MTUS2: variants seen among roughly 807,000 people sequenced by gnomAD.
The protein encoded by MTUS2 is microtubule-associated tumor suppressor candidate 2.
MTUS2 carries 40 observed loss-of-function variants against 114.1 expected under a neutral mutation model. The observed-to-expected ratio is 0.35, with a 90% confidence interval of 0.27 to 0.46. The LOEUF (loss-of-function observed/expected upper bound fraction) is 0.46, where lower values mean the gene tolerates loss of function less well. MTUS2 is among the 20% of genes least tolerant of loss of function. MTUS2 has a pLI of 1.00. For missense variants in MTUS2, 1,679 were observed against 1,705.4 expected (o/e 0.98, Z 0.27); for synonymous variants, 688 against 672.0 (o/e 1.02, Z -0.37).
chr13:29,201,417 A>G (rs1461342578), intron 5 of MTUS2, among the ~76,000 whole-genome samples: 2 of 151,734 alleles, frequency 1.3e-5, no homozygotes, highest in African/African-American at 2.4e-5. Flanking sequence ...TGCACACAAG[A>G]TGGGTCTGAA....
intron 6 of MTUS2, among the ~76,000 whole-genome samples, chr13:29,286,373 G>A (rs1898479901): frequency 2.0e-5 from 3 of 152,294 alleles, no homozygotes; most frequent in Admixed American, 6.5e-5. Flanking sequence ...CATAAAAGAT[G>A]AAACAACACT....
At chr13:28,896,665 C>T (rs1339684693) in intron 2 of MTUS2, among the ~76,000 whole-genome samples, 1 of 152,202 alleles carries the variant, frequency 6.6e-6, no homozygotes, top group Non-Finnish European at 1.5e-5. Context: ...TACAAGGCTA[C>T]AGTAACCAAA....
intron 3 of MTUS2, among the ~76,000 whole-genome samples, chr13:29,033,580 T>C (rs1886925553): frequency 6.6e-6 from 1 of 152,192 alleles, no homozygotes; most frequent in Admixed American, 6.5e-5. Flanking sequence ...ATAGTTTGGC[T>C]ACTCACTCAG....
At chr13:29,389,363 G>GTATACACGTGTGTATGTATA (rs1566172606) in intron 8 of MTUS2, among the ~76,000 whole-genome samples, 1 of 57,516 alleles carries the variant, frequency 1.7e-5, no homozygotes, top group Non-Finnish European at 3.2e-5. Flanking sequence ...ATATATGTAT[G>GTATACACGTGTGTATGTATA]CACGTGTGTG....
chr13:29,426,745 C>A (rs974281127), intron 8 of MTUS2, among the ~76,000 whole-genome samples: 1 of 152,182 alleles, frequency 6.6e-6, no homozygotes, highest in Admixed American at 6.5e-5. Flanking sequence ...ATTAGTTAGG[C>A]ATGTTTTGTA....
At chr13:29,472,860 G>A (rs1880420745) in intron 9 of MTUS2, among the ~76,000 whole-genome samples, 1 of 152,164 alleles carries the variant, frequency 6.6e-6, no homozygotes, top group Non-Finnish European at 1.5e-5. Flanking sequence ...AGGATATTAA[G>A]AATTCACACC....
intron 2 of MTUS2, among the ~76,000 whole-genome samples, chr13:28,954,975 G>A (rs1167008497): frequency 6.6e-6 from 1 of 152,198 alleles, no homozygotes; most frequent in Non-Finnish European, 1.5e-5. Context: ...CAGATGCCAA[G>A]GTTCATTAGG....
chr13:29,161,775 A>G (rs1016972398), intron 5 of MTUS2, among the ~76,000 whole-genome samples: 3 of 152,228 alleles, frequency 2.0e-5, no homozygotes, highest in Admixed American at 1.3e-4. Context: ...CTGACCTAGC[A>G]GCATCCTCTG....
intron 6 of MTUS2, among the ~76,000 whole-genome samples, chr13:29,296,289 T>C (rs1038547214): frequency 1.3e-5 from 2 of 152,126 alleles, no homozygotes; most frequent in African/African-American, 4.8e-5. Context: ...TATGGCTCAC[T>C]GCAGCCTGGA....
At chr13:29,452,819 A>T (rs566163193) in intron 9 of MTUS2, among the ~76,000 whole-genome samples, 1 of 152,240 alleles carries the variant, frequency 6.6e-6, no homozygotes, top group Non-Finnish European at 1.5e-5. Flanking sequence ...TCCAATACCA[A>T]GGGCAACCCC....
At chr13:28,931,249 A>T (rs1022086026) in intron 2 of MTUS2, among the ~76,000 whole-genome samples, 5 of 152,234 alleles carry the variant, frequency 3.3e-5, no homozygotes, top group Non-Finnish European at 5.9e-5. Flanking sequence ...GGAAAAAATA[A>T]AAAATAGCAA....
chr13:29,229,315 C>G (rs1182359834), intron 5 of MTUS2, among the ~76,000 whole-genome samples: 1 of 152,160 alleles, frequency 6.6e-6, no homozygotes, highest in African/African-American at 2.4e-5. Context: ...AGTACTTTGT[C>G]CTCAACATTT....
chr13:29,086,981 A>G (rs546223511), intron 4 of MTUS2, among the ~76,000 whole-genome samples: 116 of 152,312 alleles, frequency 7.6e-4, no homozygotes, highest in African/African-American at 2.6e-3. Context: ...GAGGACGTTT[A>G]TCATTTCTAG....
intron 5 of MTUS2, among the ~76,000 whole-genome samples, chr13:29,256,663 T>A (rs1461520574): frequency 1.3e-5 from 2 of 152,276 alleles, no homozygotes; most frequent in Non-Finnish European, 2.9e-5. Context: ...ATTCTAATGT[T>A]TGAGAGTGTT....
In MTUS2 at chr13:29,368,099, C is replaced by T. The variant is rs112230746; in HGVS notation, c.3117+8626C>T. ...GACTACAGGTGCCTGCCACCGCACC[C>T]GGCTAATTTTTTGTATTTTTAGTGG... On this transcript the variant is annotated intron_variant, in intron 8 of 15. Transcript: ENST00000612955. Among the ~76,000 whole-genome samples, 718 of 152,080 alleles carry T rather than the reference C, an allele frequency of 4.7e-3. 5 individuals carry two copies. The highest frequency in any genetic ancestry group is 0.016 in the African/African-American group (682 of 41,502).
At chr13:29,281,674 T>TA (rs1309159698) in intron 5 of MTUS2, 30 bp from the exon 6 acceptor site, 1 of 1,562,636 alleles carries the variant, frequency 6.4e-7, no homozygotes, top group Non-Finnish European at 8.7e-7. Flanking sequence ...TTCATGAAGT[T>TA]ATAATTAACA....
At chr13:29,345,942 C>G (rs1301698294) in intron 7 of MTUS2, among the ~76,000 whole-genome samples, 1 of 151,966 alleles carries the variant, frequency 6.6e-6, no homozygotes, top group African/African-American at 2.4e-5. Flanking sequence ...GTCTAGCCAC[C>G]TAGCTGAGCT....
chr13:29,418,285 T>C (rs1160035303), intron 8 of MTUS2, among the ~76,000 whole-genome samples: 3 of 152,182 alleles, frequency 2.0e-5, no homozygotes, highest in African/African-American at 7.2e-5. Context: ...CAGTAGTGTC[T>C]TGGGGTCCTT....
chr13:28,969,590 C>T (rs1298070531), intron 2 of MTUS2, among the ~76,000 whole-genome samples: 1 of 151,936 alleles, frequency 6.6e-6, no homozygotes, highest in East Asian at 1.9e-4. Context: ...GCCACATCCG[C>T]CTCCCGGGTT....
Sources: allele counts gnomAD v4.1 joint callset (sites outside exome capture counted in the v4.1 genomes callset), GRCh38; gene constraint gnomAD v4.1.1; transcripts MANE v1.5; gene names NCBI Gene and HGNC (gene_info 2026-07-23, HGNC 2026-07-21).